THYN1: variants seen among roughly 807,000 people sequenced by gnomAD.
The protein encoded by THYN1 is thymocyte nuclear protein 1, also known as thymocyte protein thy28.
In THYN1, 32 loss-of-function variants were observed where a neutral mutation model predicts 30.6. That is an observed-to-expected ratio of 1.05 (90% CI 0.79 to 1.40). The LOEUF is 1.40. Ranked by LOEUF, THYN1 falls within the 40% of genes most tolerant of loss-of-function variation. THYN1 has a pLI of 0.00. For missense variants in THYN1, 259 were observed against 272.6 expected (o/e 0.95, Z 0.35); for synonymous variants, 107 against 90.8 (o/e 1.18, Z -1.01).
intron 5 of THYN1, 39 bp downstream of exon 5, chr11:134,249,128 A>C: frequency 1.3e-6 from 2 of 1,592,202 alleles, no homozygotes; most frequent in East Asian, 4.5e-5. Flanking sequence ...CCCCTGGTTC[A>C]TCCTTCCCCT....
Position 134,249,215 on chromosome 11 carries a change from A to T in THYN1, c.432T>A (p.Asn144Lys). ...CTTTGCTAGATGGGTCATAATGGGGATTGTTTTTCTCAAACTGTGTGTGGT... is the reference window on the plus strand; with the variant it reads ...CTTTGCTAGATGGGTCATAATGGGGTTTGTTTTTCTCAAACTGTGTGTGGT... ...YPDHTQFEKN[N>K]PHYDPSSKED... The change falls in exon 5 of 7, where the codon AAT (asparagine) becomes AAA (lysine). Residue 144 changes from asparagine (N) to lysine (K), a missense_variant. Physicochemically the swap from Asn to Lys is moderately conservative, Grantham distance 94 (BLOSUM62 0). Coordinates refer to ENST00000341541, the MANE Select transcript of THYN1 (RefSeq NM_014174.3). 1 of 1,614,128 alleles carries T rather than the reference A, an allele frequency of 6.2e-7. No homozygotes were observed. The highest frequency in any genetic ancestry group is 8.5e-7 in the Non-Finnish European group (1 of 1,180,012).
At position 134,252,813 on chromosome 11, in the gene THYN1, C is replaced by T. The variant is rs1162983040; in HGVS notation, c.43+27G>A. The T allele has an allele frequency of 3.1e-6, 5 of 1,613,258 alleles. No individual in the cohort carries two copies. The African/African-American group carries it at 6.7e-5, about 22-fold the overall frequency. On this transcript the variant is annotated intron_variant, in intron 1 of 6. Coordinates refer to ENST00000341541, the MANE Select transcript of THYN1 (RefSeq NM_014174.3). ...TCGAGAAAAGTTTTTTCTTGGGCTG[C>T]CTTTGTGCAGCCTAGGGGCAGCTCA...
chr11:134,249,042 CCTAT>C, intron 5 of THYN1, 83 bp from the exon 6 acceptor site: 1 of 1,576,526 alleles, frequency 6.3e-7, no homozygotes, highest in East Asian at 2.2e-5. Flanking sequence ...ACAGGAAGCT[CCTAT>C]CTCAGTATCA....
Position 134,253,277 on chromosome 11 carries a change from A to T in THYN1, c.-395T>A. On this transcript the variant is annotated 5_prime_UTR_variant, in exon 1 of 7. Transcript: ENST00000341541. The stretch of plus-strand genomic sequence containing the variant: ...AACTGAATGGATAATCTAGATGATG[A>T]AGTAATTTGCTGGCTACAGACCCAA... The T allele has an allele frequency of 1.5e-6, 2 of 1,349,690 alleles. No individual in the cohort carries two copies. Among genetic ancestry groups the T allele is most frequent in the Non-Finnish European group, 1.9e-6 (2 of 1,051,568 alleles). The allele number at this position is 1,349,690 out of a possible 1,614,324, so 83.6% of individuals were successfully genotyped here. A position where few individuals can be genotyped will look rare whatever the true frequency, so the allele number is the denominator to read the frequency against.
chr11:134,251,063 G>A, intron 2 of THYN1, 67 bp downstream of exon 2: 4 of 1,461,734 alleles, frequency 2.7e-6, no homozygotes, highest in Non-Finnish European at 2.7e-6. Context: ...GAACCCTATG[G>A]TGTCCCATAT....
chr11:134,248,576 G>A (rs1938896568), intron 6 of THYN1, 92 bp from the exon 7 acceptor site: 1 of 1,491,662 alleles, frequency 6.7e-7, no homozygotes, highest in African/African-American at 1.4e-5. Flanking sequence ...ATCTTACATG[G>A]TACTAAGGCG....
At position 134,248,802 on chromosome 11, in the gene THYN1, C is replaced by G; in HGVS notation, c.631+7G>C. ...TATGGACAATAAAGGAGAGGGCCCACTCTTACCCTGGGTCAGGGGCTGGAT... is the reference window on the plus strand; with the variant it reads ...TATGGACAATAAAGGAGAGGGCCCAGTCTTACCCTGGGTCAGGGGCTGGAT... On this transcript the variant is annotated splice_region_variant and intron_variant, in intron 6 of 6. Coordinates refer to ENST00000341541, the MANE Select transcript of THYN1 (RefSeq NM_014174.3). 1 of 1,614,042 alleles carries G rather than the reference C, an allele frequency of 6.2e-7. No individual in the cohort carries two copies. The highest frequency in any genetic ancestry group is 8.5e-7 in the Non-Finnish European group (1 of 1,179,926).
At chr11:134,249,680 G>C (rs1356704853) in intron 4 of THYN1, 148 bp downstream of exon 4, 2 of 733,174 alleles carry the variant, frequency 2.7e-6, no homozygotes, top group Admixed American at 5.1e-5. Flanking sequence ...GAAGGGGCCA[G>C]GGCAGTTTTT....
chr11:134,252,965 C>A lies in THYN1; in HGVS notation c.-83G>T, dbSNP rs938583322. 58 of 1,493,054 alleles carry A rather than the reference C, an allele frequency of 3.9e-5. No individual in the cohort carries two copies. Among genetic ancestry groups the A allele is most frequent in the Non-Finnish European group, 4.9e-5 (55 of 1,123,884 alleles). 92.5% of individuals were successfully genotyped at this position (1,493,054 alleles called of 1,614,324 possible). Reference sequence around the variant, plus strand: ...AAGAATGCTAATGTCCTCCAAAACCCGCGCAGAGCGAGATGGAGGCAACGA... The same window carrying A: ...AAGAATGCTAATGTCCTCCAAAACCAGCGCAGAGCGAGATGGAGGCAACGA... On this transcript the variant is annotated 5_prime_UTR_variant, in exon 1 of 7. Transcript: ENST00000341541.
At chr11:134,251,621 A>G (rs1464317548) in intron 1 of THYN1, 1 of 249,118 alleles carries the variant, frequency 4.0e-6, no homozygotes, top group African/African-American at 2.2e-5. Context: ...GCCTTTGCAT[A>G]GGAAAGAGGA....
intron 1 of THYN1, 94 bp downstream of exon 1, chr11:134,252,746 C>T: frequency 7.1e-7 from 1 of 1,406,030 alleles, no homozygotes; most frequent in Admixed American, 1.7e-5. Context: ...ACAAAGGGTT[C>T]TCAAAAAGCA....
chr11:134,252,898 G>A lies in THYN1; in HGVS notation c.-16C>T, dbSNP rs761862851. 1.9e-6 allele frequency: 3 copies of A among 1,582,142 alleles called. No homozygotes were observed. Among genetic ancestry groups the A allele is most frequent in the Non-Finnish European group, 2.6e-6 (3 of 1,169,062 alleles). On this transcript the variant is annotated 5_prime_UTR_variant, in exon 1 of 7. Transcript: ENST00000341541. ...GTCTCGACATGGTCACGCTGCAGGG[G>A]ACTTTAGTGCGGACGATTCTGGAAT...
intron 1 of THYN1, 34 bp from the exon 2 acceptor site, chr11:134,251,342 C>T (rs1939040533): frequency 6.3e-7 from 1 of 1,581,998 alleles, no homozygotes; most frequent in African/African-American, 1.4e-5. Flanking sequence ...AAAGATCATG[C>T]TTGTTAAAGG....
chr11:134,251,278 G>A lies in THYN1; in HGVS notation c.74C>T (p.Thr25Ile), dbSNP rs1474962757. The part of the protein sequence containing the change: ...DKGLSGKRTK[T>I]ENSGEALAKV... ...AGCTAATGCCTCACCTGAGTTCTCA[G>A]TTTTGGTGCGTTTTCCTGATAGTCC... The change falls in exon 2 of 7, where the codon ACT becomes ATT. Residue 25 changes from threonine (T) to isoleucine (I), a missense_variant. Thr to Ile is a moderately conservative substitution (Grantham distance 89, BLOSUM62 -1). Coordinates refer to ENST00000341541, the MANE Select transcript of THYN1 (RefSeq NM_014174.3). 6.2e-7 allele frequency: 1 copy of A among 1,613,242 alleles called. No homozygotes were observed. Among genetic ancestry groups the A allele is most frequent in the Admixed American group, 1.7e-5 (1 of 59,760 alleles).
chr11:134,250,241 T>G lies in THYN1; in HGVS notation c.291+34A>C, dbSNP rs747948478. The stretch of plus-strand genomic sequence containing the variant: ...GGAGGAGGCAGGCATTCATCCCACC[T>G]GGGTCTCAGGCGACCTCCTCCTTAC... On this transcript the variant is annotated intron_variant, in intron 3 of 6. Coordinates refer to ENST00000341541, the MANE Select transcript of THYN1 (RefSeq NM_014174.3). 1.9e-6 allele frequency: 3 copies of G among 1,612,610 alleles called. No individual in the cohort carries two copies. In the East Asian group the frequency reaches 6.7e-5, roughly 36 times the overall value.
chr11:134,248,395 T>A lies in THYN1; in HGVS notation c.*43A>T, dbSNP rs763307815. 27 of 1,613,492 alleles carry A rather than the reference T, an allele frequency of 1.7e-5. 1 individual carries two copies. The South Asian group carries it at 1.8e-4, about 10-fold the overall frequency. On this transcript the variant is annotated 3_prime_UTR_variant, in exon 7 of 7. Coordinates refer to ENST00000341541, the MANE Select transcript of THYN1 (RefSeq NM_014174.3). ...CCTTTTGTCTGAAAAAAGCTTGACT[T>A]CTTTGCAGCAATGTCTCGCCCATTC...
In THYN1 at chr11:134,251,276, C is replaced by G. The variant is rs987387669; in HGVS notation, c.76G>C (p.Glu26Gln). ...TTAGCTAATGCCTCACCTGAGTTCT[C>G]AGTTTTGGTGCGTTTTCCTGATAGT... Reference protein sequence around the residue: ...KGLSGKRTKTENSGEALAKVE... With the variant: ...KGLSGKRTKTQNSGEALAKVE... Residue 26 changes from glutamate (E) to glutamine (Q), a missense_variant, in exon 2 of 7, where the codon GAG becomes CAG. Transcript: ENST00000341541. 10 of 1,613,422 alleles carry G rather than the reference C, an allele frequency of 6.2e-6. No homozygotes were observed. The Admixed American group carries it at 8.4e-5, about 13-fold the overall frequency.
Position 134,253,271 on chromosome 11 carries a change from A to G in THYN1, c.-389T>C, listed in dbSNP as rs1939214299. ...AGGATCAACTGAATGGATAATCTAG[A>G]TGATGAAGTAATTTGCTGGCTACAG... is the stretch of plus-strand genomic sequence containing the variant. On this transcript the variant is annotated 5_prime_UTR_variant, in exon 1 of 7. Transcript: ENST00000341541. 1.5e-6 allele frequency: 2 copies of G among 1,346,526 alleles called. No homozygotes were observed. The highest frequency in any genetic ancestry group is 1.5e-5 in the African/African-American group (1 of 66,624). The allele number at this position is 1,346,526 out of a possible 1,614,324, so 83.4% of individuals were successfully genotyped here. A position where few individuals can be genotyped will look rare whatever the true frequency, so the allele number is the denominator to read the frequency against.
Position 134,248,870 on chromosome 11 carries a change from G to T in THYN1, c.570C>A (p.Gly190=), listed in dbSNP as rs1286705514. 2 of 1,614,212 alleles carry T rather than the reference G, an allele frequency of 1.2e-6. No homozygotes were observed. The highest frequency in any genetic ancestry group is 1.7e-6 in the Non-Finnish European group (2 of 1,180,038). The change falls in exon 6 of 7, where the codon GGC becomes GGA. Residue 190 remains glycine, a synonymous_variant. Transcript: ENST00000341541. ...TGAAGAGAACCATATTTTTTAAGGG[G>T]CCACCAGTAGCTTTGTGAGCTTGAT... The part of the protein sequence containing the change: ...SYHQAHKATG[G]PLKNMVLFTR...
Sources: gnomAD v4.1 joint callset for allele counts on GRCh38, gnomAD v4.1.1 for gene constraint, MANE v1.5 for transcripts, NCBI Gene and HGNC (gene_info 2026-07-23, HGNC 2026-07-21) for gene names.